Variants in SYT12 observed in about 807,000 individuals in gnomAD.
The protein encoded by SYT12 is synaptotagmin 12.
SYT12 carries 27 observed loss-of-function variants against 39.5 expected under a neutral mutation model. That is an observed-to-expected ratio of 0.68 (90% CI 0.50 to 0.94). The LOEUF is 0.94. SYT12 is among the 40% of genes least tolerant of loss of function. SYT12 has a pLI of 0.00. For synonymous variants in SYT12, 233 were observed against 239.7 expected (o/e 0.97, Z 0.26); for missense variants, 536 against 572.6 (o/e 0.94, Z 0.65).
rs138527145 is a variant in SYT12 at position 67,043,742 on chromosome 11, C to T, written c.726C>T (p.Ile242=). The part of the protein sequence containing the change: ...EKSLRFSVFG[I]DEDERNVSTG... ...GCCTGCGGTTTTCTGTATTTGGCAT[C>T]GATGAGGATGAGCGCAACGTCAGCA... The change falls in exon 5 of 8, where the codon ATC becomes ATT. Residue 242 remains isoleucine (I), a synonymous_variant. Coordinates refer to ENST00000527043, the MANE Select transcript of SYT12 (RefSeq NM_177963.4). The T allele has an allele frequency of 1.5e-5, 24 of 1,614,008 alleles. No individual in the cohort carries two copies. The highest frequency in any genetic ancestry group is 1.1e-4 in the South Asian group (10 of 91,084).
chr11:67,048,800 G>C lies in SYT12; in HGVS notation c.*43G>C. ...TTGGGCAATGGAGCTGCTGGAGCCC[G>C]GTACCCACTCAGCTCTGTCTGATGC... On this transcript the variant is annotated 3_prime_UTR_variant, in exon 8 of 8. Transcript: ENST00000527043. The C allele has an allele frequency of 6.4e-7, 1 of 1,571,788 alleles. No homozygotes were observed. The highest frequency in any genetic ancestry group is 8.7e-7 in the Non-Finnish European group (1 of 1,154,160).
intron 2 of SYT12, among the ~76,000 whole-genome samples, chr11:67,034,099 G>A (rs578209331): frequency 2.6e-4 from 40 of 152,152 alleles, no homozygotes; most frequent in Non-Finnish European, 4.3e-4. Context: ...CACTTAAAGT[G>A]TACAATTTAA....
chr11:67,044,892 A>C (rs969319602), intron 6 of SYT12, among the ~76,000 whole-genome samples, 179 bp downstream of exon 6: 14 of 151,858 alleles, frequency 9.2e-5, no homozygotes, highest in African/African-American at 3.4e-4. Flanking sequence ...GGGACAATTA[A>C]TCCAGCCGGG....
intron 3 of SYT12, among the ~76,000 whole-genome samples, chr11:67,038,740 G>A (rs1351079758): frequency 6.6e-6 from 1 of 152,088 alleles, no homozygotes; most frequent in Non-Finnish European, 1.5e-5. Flanking sequence ...TGTAATCTCA[G>A]CACTTTGGGA....
Position 67,040,209 on chromosome 11 carries a change from TG to T in SYT12, c.621+10del, listed in dbSNP as rs1298670651. 6.4e-7 allele frequency: 1 copy of T among 1,567,064 alleles called. No individual in the cohort carries two copies. Among genetic ancestry groups the T allele is most frequent in the Non-Finnish European group, 8.7e-7 (1 of 1,153,140 alleles). On this transcript the variant is annotated splice_region_variant and intron_variant, in intron 4 of 7. Coordinates refer to ENST00000527043, the MANE Select transcript of SYT12 (RefSeq NM_177963.4). ...AGATCGTGGGCATTTCTCGGGTAAG[TG>T]GGGCTCAGGGCGGGGCAGAAGGGTG... is the stretch of plus-strand genomic sequence containing the variant.
At chr11:67,038,349 T>G (rs1314993848) in intron 3 of SYT12, among the ~76,000 whole-genome samples, 2 of 151,782 alleles carry the variant, frequency 1.3e-5, no homozygotes, top group African/African-American at 2.4e-5. Context: ...GTAGTTTTAG[T>G]AGAGACGGTT....
chr11:67,006,812 G>C (rs1591345721), exon 1 of SYT12: 1 of 152,244 alleles, frequency 6.6e-6, no homozygotes, highest in East Asian at 1.9e-4. Context: ...GGGAGCTGTG[G>C]CTGGCAGAGA....
intron 1 of SYT12, among the ~76,000 whole-genome samples, chr11:67,007,985 G>A (rs558894606): frequency 5.0e-4 from 70 of 140,748 alleles, no homozygotes; most frequent in African/African-American, 1.8e-3. Context: ...ACAGAGTCTC[G>A]CTCTGTCACC....
chr11:67,045,655 G>A, intron 6 of SYT12, 89 bp from the exon 7 acceptor site: 1 of 1,532,880 alleles, frequency 6.5e-7, no homozygotes, highest in African/African-American at 1.4e-5. Context: ...TAAGCATTGG[G>A]GAGTTTGGAG....
At chr11:67,035,848 T>A in intron 3 of SYT12, among the ~76,000 whole-genome samples, 1 of 118,408 alleles carries the variant, frequency 8.4e-6, no homozygotes, top group African/African-American at 3.7e-5. Flanking sequence ...CTTTCTTTCT[T>A]TCTTTCTTTC....
chr11:67,008,812 G>A (rs1949990796), intron 1 of SYT12, among the ~76,000 whole-genome samples: 1 of 152,176 alleles, frequency 6.6e-6, no homozygotes, highest in East Asian at 1.9e-4. Context: ...AAAGTGCTGG[G>A]AGTACAGGCG....
chr11:67,040,052 A>T lies in SYT12; in HGVS notation c.470A>T (p.Glu157Val), dbSNP rs376478812. The change falls in exon 4 of 8, where the codon GAG becomes GTG. Residue 157 changes from glutamate (E) to valine (V), a missense_variant. Glu to Val is a moderately radical substitution (Grantham distance 121). Coordinates refer to ENST00000527043, the MANE Select transcript of SYT12 (RefSeq NM_177963.4). The stretch of plus-strand genomic sequence containing the variant: ...CAGGACTTCACACTGGGCCAGGTGG[A>T]GGTGAGCATGGAGTACGACACTGCC... ...FGQDFTLGQV[E>V]VSMEYDTASH... 19 of 1,613,828 alleles carry T rather than the reference A, an allele frequency of 1.2e-5. No individual in the cohort carries two copies. The highest frequency in any genetic ancestry group is 1.5e-5 in the Non-Finnish European group (18 of 1,180,022).
chr11:67,009,674 C>T (rs1949998882), intron 1 of SYT12, among the ~76,000 whole-genome samples: 1 of 151,098 alleles, frequency 6.6e-6, no homozygotes, highest in Non-Finnish European at 1.5e-5. Context: ...CACCTCATGT[C>T]TGCTTCAAGT....
At chr11:67,031,407 T>A (rs1042408028) in intron 2 of SYT12, 5 of 152,280 alleles carry the variant, frequency 3.3e-5, no homozygotes, top group African/African-American at 1.2e-4. Flanking sequence ...CCAGTCTGTC[T>A]GGAGGCAGAT....
chr11:67,041,597 T>C (rs574221257), intron 4 of SYT12, among the ~76,000 whole-genome samples: 149 of 152,324 alleles, frequency 9.8e-4, no homozygotes, highest in African/African-American at 3.5e-3. Flanking sequence ...CAGGAGGGGC[T>C]GTCCCACTCT....
intron 1 of SYT12, chr11:67,028,745 T>C (rs1565332705): frequency 6.6e-6 from 1 of 152,248 alleles, no homozygotes; most frequent in Non-Finnish European, 1.5e-5. Context: ...TTTTTGCAAA[T>C]TGGTTGCTAC....
chr11:67,045,608 G>T, intron 6 of SYT12, 136 bp from the exon 7 acceptor site: 1 of 1,211,464 alleles, frequency 8.3e-7, no homozygotes, highest in Non-Finnish European at 1.1e-6. Context: ...AATAATAAAG[G>T]ACCAATGGCA....
chr11:67,007,228 C>A (rs1409556510), exon 1 of SYT12: 1 of 152,296 alleles, frequency 6.6e-6, no homozygotes, highest in Non-Finnish European at 1.5e-5. Context: ...ATCTCCTGGC[C>A]CAGAGGGGCT....
At chr11:67,027,996 G>T (rs1393186184) in intron 1 of SYT12, 1 of 152,224 alleles carries the variant, frequency 6.6e-6, no homozygotes, top group East Asian at 1.9e-4. Context: ...CATTTGACCT[G>T]CAGATTCTTA....
Sources: allele counts gnomAD v4.1 joint callset (sites outside exome capture counted in the v4.1 genomes callset), GRCh38; gene constraint gnomAD v4.1.1; transcripts MANE v1.5; gene names NCBI Gene and HGNC (gene_info 2026-07-23, HGNC 2026-07-21).